Variants in PCDHGA9 observed in about 807,000 individuals in gnomAD.
The protein encoded by PCDHGA9 is protocadherin gamma subfamily A, 9, also known as protocadherin gamma-A9.
A neutral mutation model predicts 62.5 loss-of-function variants in PCDHGA9; 37 were observed. That is an observed-to-expected ratio of 0.59 (90% CI 0.46 to 0.78). PCDHGA9 has a LOEUF of 0.78. Among genes scored for constraint, PCDHGA9 ranks in the 30% least tolerant of loss-of-function variants. PCDHGA9 has a pLI of 0.00. For missense variants in PCDHGA9, 1,138 were observed against 1,166.2 expected, an observed-to-expected ratio of 0.98 and a Z score of 0.35; for synonymous variants, 459 against 484.6, an observed-to-expected ratio of 0.95 and a Z score of 0.69.
intron 1 of PCDHGA9, chr5:141,410,904 A>G (rs2095446600): frequency 3.8e-6 from 1 of 262,528 alleles, no homozygotes; most frequent in African/African-American, 3.2e-5. Flanking sequence ...CCTAGGCTGG[A>G]GTGCAGTGGC....
intron 1 of PCDHGA9, chr5:141,422,104 T>C: frequency 6.2e-7 from 1 of 1,607,960 alleles, no homozygotes; most frequent in Non-Finnish European, 8.5e-7. Context: ...TTCTGAAATA[T>C]TCCAATTGGA....
intron 1 of PCDHGA9, among the ~76,000 whole-genome samples, chr5:141,434,530 A>G (rs1241680580): frequency 6.6e-6 from 1 of 152,226 alleles, no homozygotes; most frequent in African/African-American, 2.4e-5. Flanking sequence ...CTTAAACCAC[A>G]AACAATAGCA....
intron 1 of PCDHGA9, chr5:141,427,959 C>A: frequency 1.3e-6 from 2 of 1,588,886 alleles, no homozygotes; most frequent in Non-Finnish European, 1.7e-6. Flanking sequence ...CAATGTGCCG[C>A]GGGTGCTGTA....
At chr5:141,505,282 G>C (rs73280377) in intron 2 of PCDHGA9, 111 bp from the exon 3 acceptor site, 37,017 of 1,544,812 alleles carry the variant, frequency 0.024, 1,115 homozygotes, top group African/African-American at 0.15. Context: ...AACAGGTCTT[G>C]GGCATGGGGT....
chr5:141,494,878 T>A lies in PCDHGA9; in HGVS notation c.2483+13T>A. Reference sequence around the variant, plus strand: ...CCGGCACCAGCGGGTAGGTGACTGATTCTCCAGCCCACCCTCTTCTCTGCG... The same window carrying A: ...CCGGCACCAGCGGGTAGGTGACTGAATCTCCAGCCCACCCTCTTCTCTGCG... On this transcript the variant is annotated intron_variant, in intron 2 of 3. Coordinates refer to ENST00000573521, the MANE Select transcript of PCDHGA9 (RefSeq NM_018921.3). The A allele has an allele frequency of 6.2e-7, 1 of 1,614,072 alleles. No homozygotes were observed. The highest frequency in any genetic ancestry group is 8.5e-7 in the Non-Finnish European group (1 of 1,179,986).
In PCDHGA9 at chr5:141,404,465, G is replaced by C; in HGVS notation, c.1513G>C (p.Val505Leu). 6.2e-7 allele frequency: 1 copy of C among 1,613,516 alleles called. No homozygotes were observed. The highest frequency in any genetic ancestry group is 8.5e-7 in the Non-Finnish European group (1 of 1,179,562). ...CCAAGGGTCTCCTCTCTCCACCTAT[G>C]TCTCTATTAACTCAGACACTGGTGT... ...TIQGSPLSTY[V>L]SINSDTGVLY... Residue 505 changes from valine (V) to leucine (L), a missense_variant, in exon 1 of 4, where the codon GTC becomes CTC. Physicochemically the swap from Val to Leu is conservative, Grantham distance 32. Coordinates refer to ENST00000573521, the MANE Select transcript of PCDHGA9 (RefSeq NM_018921.3).
chr5:141,431,325 G>A lies in PCDHGA9; in HGVS notation c.2424+25949G>A. On this transcript the variant is annotated intron_variant, in intron 1 of 3. Transcript: ENST00000573521. The surrounding 1 kb of genome is among the most constrained non-coding windows in gnomAD (Gnocchi z 4.8). ...ATCGTGCAAAATGGAGCCGACGGTA[G>A]TAAGTACCCCGAATTGGTGCTGAAA... is the stretch of plus-strand genomic sequence containing the variant. 6.2e-7 allele frequency: 1 copy of A among 1,614,144 alleles called. No homozygotes were observed. The highest frequency in any genetic ancestry group is 8.5e-7 in the Non-Finnish European group (1 of 1,180,052).
rs1221295650 is a variant in PCDHGA9 at position 141,489,576 on chromosome 5, C to A, written c.2425-5231C>A. 3 of 1,613,936 alleles carry A rather than the reference C, an allele frequency of 1.9e-6. No individual in the cohort carries two copies. Among genetic ancestry groups the A allele is most frequent in the Non-Finnish European group, 2.5e-6 (3 of 1,179,984 alleles). ...TGCCAGTGCAGGTGGTGACTGAACA[C>A]CCCCTGGAGCTAATCCGTGTAGAGG... On this transcript the variant is annotated intron_variant, in intron 1 of 3. Transcript: ENST00000573521. This position sits in a 1 kb window ranked among gnomAD's most constrained non-coding sequence, Gnocchi z 4.5.
Position 141,431,826 on chromosome 5 carries a change from TTCCCGAAAACTC to T in PCDHGA9, c.2424+26455_2424+26466del, listed in dbSNP as rs755346532. ...GTCCTCACCTCTCTCGCCAGCTCGGTTCCCGAAAACTCTCCCAGAGGGACATTAATTGCCCTT... is the reference window on the plus strand; with the variant it reads ...GTCCTCACCTCTCTCGCCAGCTCGGTTCCCAGAGGGACATTAATTGCCCTT... On this transcript the variant is annotated intron_variant, in intron 1 of 3. Transcript: ENST00000573521. The surrounding 1 kb of genome is among the most constrained non-coding windows in gnomAD (Gnocchi z 4.8). The T allele has an allele frequency of 4.3e-6, 7 of 1,614,102 alleles. No individual in the cohort carries two copies. Among genetic ancestry groups the T allele is most frequent in the Admixed American group, 1.7e-5 (1 of 60,006 alleles).
At chr5:141,421,678 G>T in intron 1 of PCDHGA9, 3 of 1,613,892 alleles carry the variant, frequency 1.9e-6, no homozygotes, top group Non-Finnish European at 2.5e-6. Context: ...AATTCCTGGG[G>T]CGCGATTTGC....
intron 1 of PCDHGA9, chr5:141,414,799 G>T (rs1177065576): frequency 1.9e-6 from 3 of 1,614,096 alleles, no homozygotes; most frequent in Non-Finnish European, 2.5e-6. Flanking sequence ...CAGCGACAGC[G>T]GGGATCCTCC....
At chr5:141,502,864 G>GTTTTTTTT in intron 2 of PCDHGA9, among the ~76,000 whole-genome samples, 3 of 61,566 alleles carry the variant, frequency 4.9e-5, no homozygotes, top group African/African-American at 2.4e-4. Context: ...CTGACTCTCT[G>GTTTTTTTT]TCTTTTTTTT....
intron 1 of PCDHGA9, among the ~76,000 whole-genome samples, chr5:141,482,765 T>C (rs2099572013): frequency 7.9e-6 from 1 of 127,068 alleles, no homozygotes; most frequent in African/African-American, 3.6e-5. Flanking sequence ...TATTTCATTA[T>C]CACTGAACCT....
rs1294905670 is a variant in PCDHGA9, at chr5:141,403,178, T to C, written c.226T>C (p.Ser76Pro). 6.2e-7 allele frequency: 1 copy of C among 1,613,980 alleles called. No individual in the cohort carries two copies. The highest frequency in any genetic ancestry group is 1.7e-4 in the Middle Eastern group (1 of 6,058). ...CTCTAGAGGTAGGACGCAGCTTTTC[T>C]CTCTGAACCCGCGCAGCGGCACCTT... ...IVSRGRTQLF[S>P]LNPRSGTLVT... The change falls in exon 1 of 4, where the codon TCT becomes CCT. Residue 76 changes from serine to proline, a missense_variant. Coordinates refer to ENST00000573521, the MANE Select transcript of PCDHGA9 (RefSeq NM_018921.3).
chr5:141,410,774 C>G, intron 1 of PCDHGA9: 4 of 955,126 alleles, frequency 4.2e-6, no homozygotes, highest in Non-Finnish European at 5.8e-6. Context: ...ATAGTTTTCA[C>G]TATGTATTTG....
chr5:141,431,146 T>G lies in PCDHGA9; in HGVS notation c.2424+25770T>G. On this transcript the variant is annotated intron_variant, in intron 1 of 3. Coordinates refer to ENST00000573521, the MANE Select transcript of PCDHGA9 (RefSeq NM_018921.3). The surrounding 1 kb of genome is among the most constrained non-coding windows in gnomAD (Gnocchi z 4.8). The stretch of plus-strand genomic sequence containing the variant: ...TAGAAGTAAGGGACATTAACGACAA[T>G]GCGCCTTACTTTCGTGAAAGTGAAT... 6.2e-7 allele frequency: 1 copy of G among 1,614,124 alleles called. No individual in the cohort carries two copies. Among genetic ancestry groups the G allele is most frequent in the African/African-American group, 1.3e-5 (1 of 75,022 alleles).
chr5:141,433,236 C>G, intron 1 of PCDHGA9: 2 of 1,501,160 alleles, frequency 1.3e-6, no homozygotes, highest in South Asian at 1.3e-5. Flanking sequence ...CTCTGTCTCC[C>G]AAGCTGGAAT....
chr5:141,474,417 C>A (rs1321402346), intron 1 of PCDHGA9, among the ~76,000 whole-genome samples: 1 of 152,222 alleles, frequency 6.6e-6, no homozygotes, highest in African/African-American at 2.4e-5. Context: ...GATGCCTAGA[C>A]CATTGGTCCT....
chr5:141,495,449 G>T (rs1249221693), intron 2 of PCDHGA9, among the ~76,000 whole-genome samples: 1 of 152,194 alleles, frequency 6.6e-6, no homozygotes, highest in East Asian at 1.9e-4. Flanking sequence ...TACTTGTCCT[G>T]CTCTCTGTCT....
Sources: allele counts gnomAD v4.1 joint callset (sites outside exome capture counted in the v4.1 genomes callset), GRCh38; gene constraint gnomAD v4.1.1; non-coding constraint Gnocchi (gnomAD v3.1); transcripts MANE v1.5; gene names NCBI Gene and HGNC (gene_info 2026-07-23, HGNC 2026-07-21).